Variants in DGKE observed in about 807,000 individuals in gnomAD.
DGKE encodes the protein DAG kinase epsilon.
In DGKE, 53 loss-of-function variants were observed where a neutral mutation model predicts 70.0. That is an observed-to-expected ratio of 0.76 (90% confidence interval 0.61 to 0.95). The LOEUF is 0.95. Among genes scored for constraint, DGKE ranks in the 40% least tolerant of loss-of-function variants. The probability of loss-of-function intolerance (pLI) is 0.00; values close to 1 mark genes in which losing one functional copy is unlikely to be tolerated. For missense variants in DGKE, 655 were observed against 706.9 expected (o/e 0.93, Z 0.83); for synonymous variants, 291 against 257.0 (o/e 1.13, Z -1.27).
chr17:56,835,068 G>A lies in DGKE; in HGVS notation c.273G>A (p.Gly91=). The A allele has an allele frequency of 1.9e-6, 3 of 1,613,292 alleles. No homozygotes were observed. Among genetic ancestry groups the A allele is most frequent in the Non-Finnish European group, 2.5e-6 (3 of 1,180,028 alleles). The change falls in exon 2 of 12, where the codon GGG becomes GGA. Residue 91 remains glycine, a synonymous_variant. Coordinates refer to ENST00000284061, the MANE Select transcript of DGKE (RefSeq NM_003647.3). ...AGGGCGCCTTCTGCGACTGCTGCGG[G>A]CTCCGCGTGGACGAGGGCTGCCTCA... ...ILQGAFCDCC[G]LRVDEGCLRK...
At chr17:56,847,838 C>A in intron 4 of DGKE, 84 bp from the exon 5 acceptor site, 3 of 1,000,202 alleles carry the variant, frequency 3.0e-6, no homozygotes, top group Non-Finnish European at 4.1e-6. Context: ...TTAACTGTAT[C>A]TCTACTCATC....
chr17:56,855,336 C>A (rs988988820), intron 7 of DGKE, among the ~76,000 whole-genome samples: 1 of 151,912 alleles, frequency 6.6e-6, no homozygotes, highest in East Asian at 1.9e-4. Context: ...GGAGGAAGAG[C>A]GTCTTTGATT....
chr17:56,852,294 TC>T (rs1337669602), intron 7 of DGKE, among the ~76,000 whole-genome samples: 2 of 151,454 alleles, frequency 1.3e-5, no homozygotes, highest in Non-Finnish European at 2.9e-5. Flanking sequence ...GTGCCTGTAA[TC>T]CCAGCTACTC....
intron 3 of DGKE, among the ~76,000 whole-genome samples, chr17:56,845,430 C>G (rs1423962325): frequency 6.6e-6 from 1 of 152,076 alleles, no homozygotes. Context: ...TAGTGAGTTC[C>G]TTATGTGAGT....
intron 2 of DGKE, chr17:56,835,942 T>C (rs1906590125): frequency 6.6e-6 from 1 of 152,266 alleles, no homozygotes; most frequent in Admixed American, 6.5e-5. Context: ...TTTGCTGATG[T>C]TGGAAATTGG....
intron 2 of DGKE, among the ~76,000 whole-genome samples, chr17:56,839,950 G>T (rs1340162238): frequency 4.6e-5 from 7 of 152,120 alleles, no homozygotes; most frequent in African/African-American, 1.7e-4. Context: ...GGAGGCCAAG[G>T]CGGGCAGAGT....
chr17:56,869,012 A>C lies in DGKE; in HGVS notation c.*6221A>C, dbSNP rs1235069628. On this transcript the variant is annotated 3_prime_UTR_variant, in exon 12 of 12. Transcript: ENST00000284061. ...ATGTATCACTTATTTGAAATACCTG[A>C]ATGGAAACCCAGCCTCTACTACTGT... 1 of 152,164 alleles carries C rather than the reference A, an allele frequency of 6.6e-6. No homozygotes were observed. Among genetic ancestry groups the C allele is most frequent in the African/African-American group, 2.4e-5 (1 of 41,440 alleles). The allele number at this position is 152,164 out of a possible 1,614,324, so 9.4% of individuals were successfully genotyped here.
At chr17:56,845,645 A>G (rs752887567) in intron 3 of DGKE, 45 bp from the exon 4 acceptor site, 3 of 1,557,898 alleles carry the variant, frequency 1.9e-6, no homozygotes, top group South Asian at 2.4e-5. Context: ...TGTGCTTTTC[A>G]TCTTTAAGAT....
At chr17:56,834,422 G>A (rs1020211403) in intron 1 of DGKE, among the ~76,000 whole-genome samples, 162 bp downstream of exon 1, 2 of 152,366 alleles carry the variant, frequency 1.3e-5, no homozygotes, top group Non-Finnish European at 2.9e-5. Context: ...GACCGGCGTT[G>A]CCTGGCCTGA....
In DGKE at chr17:56,862,787, A is replaced by C; in HGVS notation, c.1700A>C (p.Glu567Ala). ...TSDQEDIKAT[E>A] is the part of the protein sequence containing the mutation. ...GATCAAGAAGATATAAAGGCGACTG[A>C]ATAGATGGATGAGGGAGTGAAAACT... The change falls in exon 12 of 12, where the codon GAA becomes GCA. Residue 567 changes from glutamate (E) to alanine (A), a missense_variant. Glu to Ala is a moderately radical substitution (Grantham distance 107). Transcript: ENST00000284061. The C allele has an allele frequency of 3.9e-6, 6 of 1,557,128 alleles. No individual in the cohort carries two copies. Among genetic ancestry groups the C allele is most frequent in the Non-Finnish European group, 5.2e-6 (6 of 1,160,140 alleles).
chr17:56,839,918 T>C (rs1906862849), intron 2 of DGKE, among the ~76,000 whole-genome samples: 1 of 152,038 alleles, frequency 6.6e-6, no homozygotes, highest in Non-Finnish European at 1.5e-5. Context: ...CAGTGGCTCA[T>C]GCCTGTAATC....
At chr17:56,835,286 C>A in intron 2 of DGKE, 27 bp downstream of exon 2, 2 of 1,579,180 alleles carry the variant, frequency 1.3e-6, no homozygotes, top group South Asian at 1.2e-5. Flanking sequence ...CACTCACTGT[C>A]CCAGAATGCG....
intron 4 of DGKE, 125 bp downstream of exon 4, chr17:56,845,934 C>T: frequency 9.4e-7 from 1 of 1,058,348 alleles, no homozygotes; most frequent in Non-Finnish European, 1.3e-6. Context: ...AAAGATCAGC[C>T]ATTTAAATAT....
At position 56,835,219 on chromosome 17, in the gene DGKE, A is replaced by G; in HGVS notation, c.424A>G (p.Lys142Glu). The part of the protein sequence containing the change: ...VPLCSYCMVC[K>E]QQCGCQPKLC... ...CCTGTGCAGTTACTGTATGGTTTGC[A>G]AGCAGCAGTGTGGCTGTCAACCCAA... Residue 142 changes from lysine to glutamate, a missense_variant, in exon 2 of 12, where the codon AAG becomes GAG. Lys to Glu is a moderately conservative substitution (Grantham distance 56). Coordinates refer to ENST00000284061, the MANE Select transcript of DGKE (RefSeq NM_003647.3). 1 of 1,613,638 alleles carries G rather than the reference A, an allele frequency of 6.2e-7. No individual in the cohort carries two copies. The highest frequency in any genetic ancestry group is 8.5e-7 in the Non-Finnish European group (1 of 1,179,966).
chr17:56,859,632 A>T (rs987656998), intron 9 of DGKE, among the ~76,000 whole-genome samples: 1 of 151,962 alleles, frequency 6.6e-6, no homozygotes, highest in South Asian at 2.1e-4. Context: ...GTTAGCCAGG[A>T]TGGTCTCGAT....
chr17:56,842,806 C>G (rs1362128730), intron 2 of DGKE, among the ~76,000 whole-genome samples: 1 of 152,164 alleles, frequency 6.6e-6, no homozygotes, highest in Non-Finnish European at 1.5e-5. Flanking sequence ...TCTCTTCAGT[C>G]AGATCTGCCT....
chr17:56,843,638 G>T (rs1907117047), intron 2 of DGKE, among the ~76,000 whole-genome samples: 1 of 151,814 alleles, frequency 6.6e-6, no homozygotes, highest in Admixed American at 6.6e-5. Flanking sequence ...TCTCTACTAA[G>T]AATATAAAAA....
rs1908072689 is a variant in DGKE, at chr17:56,858,254, A to G, written c.1213-340A>G. Among the ~76,000 whole-genome samples the G allele has an allele frequency of 2.0e-5, 3 of 152,196 alleles. No individual in the cohort carries two copies. In the South Asian group the frequency reaches 6.2e-4, roughly 31 times the overall value. Reference sequence around the variant, plus strand: ...ACTTTTAAACTATTAATAGCCTAAGAGAATAAAATGTAAAATACAAATGAT... The same window carrying G: ...ACTTTTAAACTATTAATAGCCTAAGGGAATAAAATGTAAAATACAAATGAT... On this transcript the variant is annotated intron_variant, in intron 8 of 11. Transcript: ENST00000284061.
At chr17:56,841,456 T>C (rs1846550942) in intron 2 of DGKE, among the ~76,000 whole-genome samples, 1 of 152,102 alleles carries the variant, frequency 6.6e-6, no homozygotes, top group Admixed American at 6.5e-5. Context: ...TAAAACCTAG[T>C]GAAAGATGAA....
Sources: allele counts gnomAD v4.1 joint callset (sites outside exome capture counted in the v4.1 genomes callset), GRCh38; gene constraint gnomAD v4.1.1; transcripts MANE v1.5; gene names NCBI Gene and HGNC (gene_info 2026-07-23, HGNC 2026-07-21).